PAFAH2: variants seen among roughly 807,000 people sequenced by gnomAD.
PAFAH2 encodes platelet activating factor acetylhydrolase 2.
PAFAH2 carries 42 observed loss-of-function variants against 49.0 expected under a neutral mutation model. The observed-to-expected ratio is 0.86, with a 90% CI of 0.67 to 1.11. The LOEUF (loss-of-function observed/expected upper bound fraction) is 1.11. PAFAH2 is among the 50% of genes least tolerant of loss of function. The pLI, the probability that PAFAH2 is intolerant of heterozygous loss-of-function variation, is 0.00. For synonymous variants in PAFAH2, 184 were observed against 181.3 expected, an observed-to-expected ratio of 1.01 and a Z score of -0.12; for missense variants, 503 against 501.8, an observed-to-expected ratio of 1.00 and a Z score of -0.02.
intron 4 of PAFAH2, among the ~76,000 whole-genome samples, chr1:25,985,481 G>A (rs1378517723): frequency 6.6e-6 from 1 of 152,176 alleles, no homozygotes; most frequent in Non-Finnish European, 1.5e-5. Context: ...GTTAATGAGA[G>A]TATTTTTAAC....
chr1:25,995,486 A>T (rs2049925335), intron 1 of PAFAH2, among the ~76,000 whole-genome samples: 1 of 152,174 alleles, frequency 6.6e-6, no homozygotes, highest in Non-Finnish European at 1.5e-5. Flanking sequence ...TGATCAGCAA[A>T]GTTTGAGAAC....
chr1:25,963,743 C>T (rs887682212), intron 10 of PAFAH2, among the ~76,000 whole-genome samples: 3 of 152,196 alleles, frequency 2.0e-5, no homozygotes, highest in Non-Finnish European at 2.9e-5. Context: ...CCTTGTGATC[C>T]GCCCGCCTCG....
intron 3 of PAFAH2, among the ~76,000 whole-genome samples, chr1:25,988,810 A>C (rs1252871943): frequency 2.6e-5 from 1 of 38,840 alleles, no homozygotes; most frequent in Non-Finnish European, 7.6e-5. Context: ...TCTCACCAAA[A>C]AAAAAAAAAA....
At chr1:25,990,322 G>A (rs2049854103) in intron 2 of PAFAH2, among the ~76,000 whole-genome samples, 1 of 152,078 alleles carries the variant, frequency 6.6e-6, no homozygotes, top group South Asian at 2.1e-4. Context: ...AGAGAGAAAA[G>A]GAAGCTGTCC....
intron 5 of PAFAH2, among the ~76,000 whole-genome samples, 174 bp downstream of exon 5, chr1:25,984,286 T>C (rs1265349399): frequency 6.6e-6 from 1 of 152,182 alleles, no homozygotes; most frequent in Non-Finnish European, 1.5e-5. Context: ...AACTCAGCTA[T>C]GTCACTTTTG....
At position 25,990,810 on chromosome 1, in the gene PAFAH2, C is replaced by T. The variant is rs200100895; in HGVS notation, c.7G>A (p.Val3Ile). MG[V>I]NQSVGFPPVT... ...GGTGGAAAGCCCACAGACTGGTTGA[C>T]CCCCATTTCATCACCGGGTGAATCA... The change falls in exon 2 of 11, where the codon GTC becomes ATC. Residue 3 changes from valine to isoleucine, a missense_variant. Coordinates refer to ENST00000374282, the MANE Select transcript of PAFAH2 (RefSeq NM_000437.4). The T allele has an allele frequency of 6.2e-7, 1 of 1,613,650 alleles. No individual in the cohort carries two copies. The highest frequency in any genetic ancestry group is 8.5e-7 in the Non-Finnish European group (1 of 1,179,706).
At chr1:25,992,304 G>C (rs1355741796) in intron 1 of PAFAH2, among the ~76,000 whole-genome samples, 1 of 152,124 alleles carries the variant, frequency 6.6e-6, no homozygotes, top group East Asian at 1.9e-4. Flanking sequence ...CAGGGGAGGA[G>C]GAAGAAAGCA....
intron 2 of PAFAH2, among the ~76,000 whole-genome samples, chr1:25,990,127 C>A (rs990773104): frequency 6.6e-6 from 1 of 152,144 alleles, no homozygotes; most frequent in Non-Finnish European, 1.5e-5. Flanking sequence ...CTAAGCCAGG[C>A]ACAGTGGCTC....
intron 1 of PAFAH2, among the ~76,000 whole-genome samples, chr1:25,995,977 A>T (rs913700673): frequency 6.6e-5 from 10 of 152,210 alleles, no homozygotes; most frequent in Admixed American, 6.5e-4. Flanking sequence ...ATGACTCTGA[A>T]TTCTACCCCT....
intron 7 of PAFAH2, among the ~76,000 whole-genome samples, chr1:25,980,631 A>ATATATATATT (rs1553136361): frequency 6.9e-6 from 1 of 145,604 alleles, no homozygotes; most frequent in African/African-American, 2.6e-5. Flanking sequence ...ATATATATAT[A>ATATATATATT]TTTTATATAT....
At chr1:25,986,819 C>CCG in intron 4 of PAFAH2, among the ~76,000 whole-genome samples, 1 of 152,208 alleles carries the variant, frequency 6.6e-6, no homozygotes, top group East Asian at 1.9e-4. Context: ...GCGTGAGCCA[C>CCG]CGCGCTCGGC....
At chr1:25,993,671 G>C (rs751977902) in intron 1 of PAFAH2, among the ~76,000 whole-genome samples, 27 of 152,082 alleles carry the variant, frequency 1.8e-4, no homozygotes, top group Admixed American at 1.4e-3. Context: ...ATGTCAGTGG[G>C]TTGTTCAGCC....
intron 7 of PAFAH2, among the ~76,000 whole-genome samples, chr1:25,981,548 T>C (rs946378888): frequency 3.9e-5 from 6 of 152,140 alleles, no homozygotes; most frequent in Non-Finnish European, 8.8e-5. Context: ...CTCCCCGCCA[T>C]CCATCTGGTC....
At chr1:25,976,656 C>A in intron 8 of PAFAH2, 26 bp downstream of exon 8, 1 of 1,527,082 alleles carries the variant, frequency 6.5e-7, no homozygotes, top group Non-Finnish European at 9.1e-7. Flanking sequence ...TGGAGCTAAG[C>A]ACAGCAACAC....
At chr1:25,979,072 T>C (rs298444) in intron 7 of PAFAH2, among the ~76,000 whole-genome samples, 29,078 of 152,108 alleles carry the variant, frequency 0.19, 2,883 homozygotes, top group East Asian at 0.21. Context: ...AAGAAACATA[T>C]GCATTTGTAC....
chr1:25,985,668 T>C (rs2049771488), intron 4 of PAFAH2, among the ~76,000 whole-genome samples: 1 of 152,364 alleles, frequency 6.6e-6, no homozygotes, highest in East Asian at 1.9e-4. Context: ...AATTCTCTCG[T>C]CTTCACTACT....
At chr1:25,974,943 CATTT>C (rs60747341) in intron 8 of PAFAH2, among the ~76,000 whole-genome samples, 34,816 of 151,982 alleles carry the variant, frequency 0.23, 4,325 homozygotes, top group African/African-American at 0.33. Flanking sequence ...GCACTTCATT[CATTT>C]AATTATTCAT....
chr1:25,984,904 A>G (rs1205636237), intron 4 of PAFAH2, among the ~76,000 whole-genome samples: 1 of 143,644 alleles, frequency 7.0e-6, no homozygotes, highest in Non-Finnish European at 1.5e-5. Context: ...GCTGGAGTAC[A>G]ATGGGACTAT....
chr1:25,991,080 G>A (rs963460502), intron 1 of PAFAH2, among the ~76,000 whole-genome samples: 2 of 152,154 alleles, frequency 1.3e-5, no homozygotes, highest in Non-Finnish European at 2.9e-5. Context: ...GCTGGAAGAC[G>A]AAAGAGAGCC....
Sources: gnomAD v4.1 joint callset for allele counts (sites outside exome capture counted in the v4.1 genomes callset) on GRCh38, gnomAD v4.1.1 for gene constraint, MANE v1.5 for transcripts, NCBI Gene and HGNC (gene_info 2026-07-23, HGNC 2026-07-21) for gene names.